CNTN3: variants seen among roughly 807,000 people sequenced by gnomAD.
CNTN3 encodes the protein contactin-3.
In CNTN3, 60 loss-of-function variants were observed where a neutral mutation model predicts 119.1. The ratio of observed to expected loss-of-function variants is 0.50; its 90% confidence interval spans 0.41 to 0.62. The LOEUF is 0.62. CNTN3 is among the 20% of genes least tolerant of loss of function. CNTN3 has a pLI of 0.00. For missense variants in CNTN3, 1,101 were observed against 1,242.4 expected, an observed-to-expected ratio of 0.89 and a Z score of 1.71; for synonymous variants, 450 against 438.7, an observed-to-expected ratio of 1.03 and a Z score of -0.32.
At position 74,337,665 on chromosome 3, in the gene CNTN3, G is replaced by A. The variant is rs574447794; in HGVS notation, c.1365-1007C>T. ...AGAACAGTATGGGGAAACCGCCCCC[G>A]TGATTAAATCATGTCCCACCAGGTC... On this transcript the variant is annotated intron_variant, in intron 11 of 22. Transcript: ENST00000263665. 1.1e-4 allele frequency among the ~76,000 whole-genome samples: 16 copies of A among 152,168 alleles called. No homozygotes were observed. In the South Asian group the frequency reaches 2.3e-3, roughly 22 times the overall value.
Position 74,547,586 on chromosome 3 carries a change from A to G in CNTN3, c.-80-26394T>C, listed in dbSNP as rs368279511. Among the ~76,000 whole-genome samples, 631 of 152,248 alleles carry G rather than the reference A, an allele frequency of 4.1e-3. 1 individual carries two copies. Among genetic ancestry groups the G allele is most frequent in the Non-Finnish European group, 6.9e-3 (471 of 67,994 alleles). ...ATTTGAGCATCTTTTTACACATTTA[A>G]TAGCTCCCTGGTTTTACTCTTCTAT... On this transcript the variant is annotated intron_variant, in intron 1 of 22. Transcript: ENST00000263665.
chr3:74,462,475 C>A (rs915517161), intron 4 of CNTN3, among the ~76,000 whole-genome samples: 1 of 152,002 alleles, frequency 6.6e-6, no homozygotes, highest in Non-Finnish European at 1.5e-5. Context: ...GAATACCACT[C>A]CAAAAATCTA....
chr3:74,274,268 C>T (rs147714529), intron 20 of CNTN3, among the ~76,000 whole-genome samples: 67 of 152,162 alleles, frequency 4.4e-4, no homozygotes, highest in Admixed American at 1.6e-3. Flanking sequence ...TTCTAGGGCC[C>T]GGCCCACCAA....
chr3:74,508,443 G>T (rs2089129336), intron 2 of CNTN3, among the ~76,000 whole-genome samples: 1 of 152,090 alleles, frequency 6.6e-6, no homozygotes, highest in African/African-American at 2.4e-5. Context: ...GGGGTGCGGA[G>T]ATTGGGGTAT....
intron 9 of CNTN3, 89 bp from the exon 10 acceptor site, chr3:74,364,685 C>T: frequency 8.5e-7 from 1 of 1,175,228 alleles, no homozygotes; most frequent in Non-Finnish European, 1.2e-6. Context: ...CACACAGAAA[C>T]TTTCTGCATT....
At chr3:74,392,402 C>T (rs1330856523) in intron 5 of CNTN3, among the ~76,000 whole-genome samples, 1 of 152,104 alleles carries the variant, frequency 6.6e-6, no homozygotes, top group African/African-American at 2.4e-5. Context: ...CTCCCTTCCA[C>T]CCTGCTTCTT....
chr3:74,538,664 T>A (rs1703799154), intron 1 of CNTN3, among the ~76,000 whole-genome samples: 2 of 152,200 alleles, frequency 1.3e-5, no homozygotes, highest in South Asian at 4.1e-4. Context: ...ACATATTTTA[T>A]GCTATCAAGG....
At chr3:74,347,916 C>A (rs997371992) in intron 11 of CNTN3, among the ~76,000 whole-genome samples, 1 of 152,044 alleles carries the variant, frequency 6.6e-6, no homozygotes, top group Admixed American at 6.6e-5. Flanking sequence ...CATGGATGAA[C>A]CTAGAGGACA....
chr3:74,596,175 T>G (rs527329833), intron 1 of CNTN3, among the ~76,000 whole-genome samples: 13 of 151,612 alleles, frequency 8.6e-5, no homozygotes, highest in South Asian at 6.2e-4. Context: ...CACTGCTCAA[T>G]GAAATAAAAG....
At chr3:74,326,820 T>C (rs1210913310) in intron 13 of CNTN3, among the ~76,000 whole-genome samples, 5 of 152,140 alleles carry the variant, frequency 3.3e-5, no homozygotes, top group African/African-American at 2.4e-5. Flanking sequence ...CTTTATTGCA[T>C]TGACCCAAAT....
intron 3 of CNTN3, among the ~76,000 whole-genome samples, chr3:74,494,908 C>T (rs1319609955): frequency 6.6e-6 from 1 of 152,010 alleles, no homozygotes; most frequent in Admixed American, 6.6e-5. Flanking sequence ...CGGTTGGGCA[C>T]ATTGTTTGAG....
intron 11 of CNTN3, among the ~76,000 whole-genome samples, chr3:74,347,434 C>A (rs749461080): frequency 9.2e-5 from 14 of 152,034 alleles, no homozygotes; most frequent in Non-Finnish European, 1.6e-4. Flanking sequence ...GCAAAATGAG[C>A]CTCCCTCTGT....
At chr3:74,278,708 C>T (rs899458589) in intron 20 of CNTN3, among the ~76,000 whole-genome samples, 1 of 152,124 alleles carries the variant, frequency 6.6e-6, no homozygotes, top group African/African-American at 2.4e-5. Flanking sequence ...GCAAGAATTT[C>T]ATGACCAAGA....
At chr3:74,375,535 G>A (rs948255324) in intron 5 of CNTN3, among the ~76,000 whole-genome samples, 2 of 152,122 alleles carry the variant, frequency 1.3e-5, no homozygotes, top group Non-Finnish European at 2.9e-5. Context: ...ACAATCTTGG[G>A]TTCCAGATGG....
At chr3:74,407,704 A>AC (rs1300175224) in intron 5 of CNTN3, among the ~76,000 whole-genome samples, 4 of 152,048 alleles carry the variant, frequency 2.6e-5, no homozygotes, top group African/African-American at 9.7e-5. Flanking sequence ...TGACAGATGC[A>AC]TTGAACATCC....
intron 4 of CNTN3, among the ~76,000 whole-genome samples, chr3:74,460,406 C>G (rs1442584120): frequency 6.6e-6 from 1 of 151,908 alleles, no homozygotes; most frequent in Admixed American, 6.6e-5. Context: ...ATATTTTAAT[C>G]TATGAACATG....
In CNTN3 at chr3:74,298,161, C is replaced by G. The variant is rs767305444; in HGVS notation, c.2197G>C (p.Gly733Arg). The G allele has an allele frequency of 1.4e-5, 22 of 1,603,484 alleles. No homozygotes were observed. Among genetic ancestry groups the G allele is most frequent in the Non-Finnish European group, 1.8e-5 (21 of 1,173,758 alleles). Residue 733 changes from glycine (G) to arginine (R), a missense_variant, in exon 18 of 23, where the codon GGT becomes CGT. Coordinates refer to ENST00000263665, the MANE Select transcript of CNTN3 (RefSeq NM_020872.3). ...CGGAAAGCAACAACATACCCAAAAC[C>G]TTCACCATTCTGTAGTTCTTCAGGG... is the stretch of plus-strand genomic sequence containing the variant. The part of the protein sequence containing the change: ...PVPEELQNGE[G>R]FGYVVAFRPL...
intron 5 of CNTN3, among the ~76,000 whole-genome samples, chr3:74,395,930 T>C (rs1033838499): frequency 1.3e-5 from 2 of 152,242 alleles, no homozygotes; most frequent in Non-Finnish European, 2.9e-5. Flanking sequence ...GATAATCTGT[T>C]ATCAGTGATC....
chr3:74,333,777 G>A (rs1479697984), intron 13 of CNTN3, among the ~76,000 whole-genome samples: 3 of 152,112 alleles, frequency 2.0e-5, no homozygotes, highest in Admixed American at 1.3e-4. Flanking sequence ...TTAACATGCC[G>A]ATGTATACAA....
Sources: gnomAD v4.1 joint callset for allele counts (sites outside exome capture counted in the v4.1 genomes callset) on GRCh38, gnomAD v4.1.1 for gene constraint, MANE v1.5 for transcripts, NCBI Gene and HGNC (gene_info 2026-07-23, HGNC 2026-07-21) for gene names.